GUCY1A2: variants seen among roughly 807,000 people sequenced by gnomAD.
The protein encoded by GUCY1A2 is guanylate cyclase 1 soluble subunit alpha 2, also known as guanylate cyclase soluble subunit alpha-2.
GUCY1A2 carries 27 observed loss-of-function variants against 63.5 expected under a neutral mutation model. That is an observed-to-expected ratio of 0.43 (90% CI 0.31 to 0.59). GUCY1A2 has a LOEUF of 0.59. Ranked by LOEUF, GUCY1A2 falls within the 20% of genes least tolerant of loss-of-function variation. The probability of loss-of-function intolerance (pLI) is 0.11; values close to 1 mark genes in which losing one functional copy is unlikely to be tolerated. For synonymous variants in GUCY1A2, 364 were observed against 343.5 expected (o/e 1.06, Z -0.66); for missense variants, 768 against 913.3 (o/e 0.84, Z 2.05).
intron 6 of GUCY1A2, among the ~76,000 whole-genome samples, chr11:106,737,251 C>T (rs965094440): frequency 1.3e-5 from 2 of 152,156 alleles, no homozygotes; most frequent in Non-Finnish European, 2.9e-5. Flanking sequence ...AACATACTTA[C>T]TCTGGCTCCC....
intron 3 of GUCY1A2, among the ~76,000 whole-genome samples, chr11:106,962,655 T>A (rs971065785): frequency 6.6e-6 from 1 of 151,620 alleles, no homozygotes; most frequent in Non-Finnish European, 1.5e-5. Context: ...GAATACCTGA[T>A]TATGTCCTGC....
rs572418957 is a variant in GUCY1A2 at position 106,847,200 on chromosome 11, T to G, written c.1207-36722A>C. Among the ~76,000 whole-genome samples the G allele has an allele frequency of 2.6e-3, 380 of 146,338 alleles. 2 individuals carry two copies. The highest frequency in any genetic ancestry group is 4.1e-3 in the Admixed American group (59 of 14,458). On this transcript the variant is annotated intron_variant, in intron 4 of 7. Coordinates refer to ENST00000526355, the MANE Select transcript of GUCY1A2 (RefSeq NM_000855.3). Reference sequence around the variant, plus strand: ...ACATCTGCCTGGCAGTACACCAAGATACACATTTGTTATAGTGATATTGCA... The same window carrying G: ...ACATCTGCCTGGCAGTACACCAAGAGACACATTTGTTATAGTGATATTGCA...
intron 4 of GUCY1A2, among the ~76,000 whole-genome samples, chr11:106,846,651 A>G (rs1164463079): frequency 6.6e-6 from 1 of 151,614 alleles, no homozygotes; most frequent in Non-Finnish European, 1.5e-5. Context: ...CCTCTTCGAC[A>G]CTACTTGTTC....
intron 6 of GUCY1A2, among the ~76,000 whole-genome samples, chr11:106,769,688 A>G (rs1425402543): frequency 6.6e-6 from 1 of 152,176 alleles, no homozygotes; most frequent in Admixed American, 6.5e-5. Flanking sequence ...GTTACAATAG[A>G]ACACTGACTT....
chr11:106,821,299 A>C (rs1284762884), intron 4 of GUCY1A2, among the ~76,000 whole-genome samples: 1 of 152,220 alleles, frequency 6.6e-6, no homozygotes, highest in Admixed American at 6.5e-5. Flanking sequence ...AGAATATTAA[A>C]TTTATATGCA....
intron 7 of GUCY1A2, among the ~76,000 whole-genome samples, chr11:106,694,877 T>A (rs1862690137): frequency 1.3e-5 from 2 of 152,172 alleles, no homozygotes; most frequent in Non-Finnish European, 2.9e-5. Context: ...TGTAAGCACA[T>A]TATTCCCTGT....
At chr11:106,882,208 T>C (rs1380649376) in intron 4 of GUCY1A2, among the ~76,000 whole-genome samples, 1 of 151,998 alleles carries the variant, frequency 6.6e-6, no homozygotes, top group South Asian at 2.1e-4. Flanking sequence ...GGTTTATAGA[T>C]GCATCACCAT....
intron 3 of GUCY1A2, among the ~76,000 whole-genome samples, chr11:106,969,634 G>T (rs1350808378): frequency 1.3e-5 from 2 of 152,132 alleles, no homozygotes; most frequent in South Asian, 2.1e-4. Context: ...CCATGAGATG[G>T]CAACAAAATA....
chr11:106,821,785 C>A (rs956284800), intron 4 of GUCY1A2, among the ~76,000 whole-genome samples: 2 of 151,998 alleles, frequency 1.3e-5, no homozygotes, highest in African/African-American at 4.8e-5. Flanking sequence ...TCTGATAAAG[C>A]CTTAAAAAAG....
intron 1 of GUCY1A2, among the ~76,000 whole-genome samples, chr11:107,002,101 T>A (rs140850446): frequency 6.6e-6 from 1 of 151,722 alleles, no homozygotes; most frequent in Non-Finnish European, 1.5e-5. Flanking sequence ...AAAATAGATA[T>A]AAATCCTTGC....
intron 4 of GUCY1A2, among the ~76,000 whole-genome samples, chr11:106,857,285 G>T (rs191956620): frequency 6.6e-6 from 1 of 152,066 alleles, no homozygotes; most frequent in Non-Finnish European, 1.5e-5. Flanking sequence ...CTGTATCCTC[G>T]CATGACAGAA....
chr11:106,833,903 A>G (rs564596317), intron 4 of GUCY1A2, among the ~76,000 whole-genome samples: 1 of 152,122 alleles, frequency 6.6e-6, no homozygotes, highest in South Asian at 2.1e-4. Flanking sequence ...ACCACTCTGT[A>G]AAAGAGAAAT....
intron 4 of GUCY1A2, among the ~76,000 whole-genome samples, chr11:106,891,655 C>T (rs1196782144): frequency 6.6e-6 from 1 of 152,074 alleles, no homozygotes; most frequent in Non-Finnish European, 1.5e-5. Context: ...TACTGCAACA[C>T]TATTTAATGT....
intron 1 of GUCY1A2, among the ~76,000 whole-genome samples, chr11:107,011,718 A>T (rs1381687190): frequency 6.7e-6 from 1 of 148,912 alleles, no homozygotes; most frequent in Non-Finnish European, 1.5e-5. Context: ...ACAAAATGTA[A>T]CTTTAAAGTG....
At chr11:106,998,575 T>C (rs978337512) in intron 1 of GUCY1A2, among the ~76,000 whole-genome samples, 4 of 152,192 alleles carry the variant, frequency 2.6e-5, no homozygotes, top group Admixed American at 6.5e-5. Flanking sequence ...CTAAAAACAT[T>C]TTAACTTCCT....
intron 1 of GUCY1A2, among the ~76,000 whole-genome samples, chr11:107,000,315 A>C (rs895212739): frequency 5.3e-5 from 8 of 152,208 alleles, no homozygotes; most frequent in African/African-American, 1.9e-4. Flanking sequence ...TCTCTTCTCC[A>C]ACTTCCACAC....
chr11:106,727,194 C>T (rs763053150), intron 6 of GUCY1A2, among the ~76,000 whole-genome samples: 9 of 152,162 alleles, frequency 5.9e-5, no homozygotes, highest in Non-Finnish European at 1.0e-4. Flanking sequence ...GGACAGGAGC[C>T]ATTCCCATAG....
intron 3 of GUCY1A2, among the ~76,000 whole-genome samples, chr11:106,975,822 G>A (rs969194196): frequency 6.6e-6 from 1 of 152,142 alleles, no homozygotes; most frequent in Non-Finnish European, 1.5e-5. Flanking sequence ...AGAGGTGAGA[G>A]AACAAATGAG....
At chr11:106,830,379 A>G (rs543791764) in intron 4 of GUCY1A2, among the ~76,000 whole-genome samples, 1 of 152,300 alleles carries the variant, frequency 6.6e-6, no homozygotes, top group African/African-American at 2.4e-5. Flanking sequence ...ACTGAATGTC[A>G]ACTTGATTGG....
Sources: gnomAD v4.1 joint callset for allele counts (sites outside exome capture counted in the v4.1 genomes callset) on GRCh38, gnomAD v4.1.1 for gene constraint, MANE v1.5 for transcripts, NCBI Gene and HGNC (gene_info 2026-07-23, HGNC 2026-07-21) for gene names.